Variants in RARRES1 observed in about 807,000 individuals in gnomAD.
The protein encoded by RARRES1 is retinoic acid receptor responder 1.
In RARRES1, 34 loss-of-function variants were observed where a neutral mutation model predicts 30.6. The ratio of observed to expected loss-of-function variants is 1.11; its 90% CI spans 0.84 to 1.48. The LOEUF (loss-of-function observed/expected upper bound fraction) is 1.48. Among genes scored for constraint, RARRES1 ranks in the 40% most tolerant of loss-of-function variants. The pLI is 0.00. For synonymous variants in RARRES1, 153 were observed against 155.5 expected (o/e 0.98, Z 0.12); for missense variants, 373 against 386.5 (o/e 0.97, Z 0.29).
At chr3:158,714,039 C>T (rs1727238553) in intron 1 of RARRES1, among the ~76,000 whole-genome samples, 180 bp from the exon 2 acceptor site, 1 of 152,064 alleles carries the variant, frequency 6.6e-6, no homozygotes, top group African/African-American at 2.4e-5. Context: ...TGCCATTCTG[C>T]TTGCTAGTTT....
chr3:158,724,652 A>C (rs1233492333), intron 1 of RARRES1, among the ~76,000 whole-genome samples: 1 of 152,142 alleles, frequency 6.6e-6, no homozygotes, highest in African/African-American at 2.4e-5. Flanking sequence ...TAAGTGAGTA[A>C]GTTTGTGTTG....
rs545302655 is a variant in RARRES1 at position 158,723,644 on chromosome 3, C to A, written c.276+8496G>T. Among the ~76,000 whole-genome samples, 12 of 152,334 alleles carry A rather than the reference C, an allele frequency of 7.9e-5. No homozygotes were observed. The highest frequency in any genetic ancestry group is 7.8e-4 in the Admixed American group (12 of 15,304). On this transcript the variant is annotated intron_variant, in intron 1 of 5. Coordinates refer to ENST00000237696, the MANE Select transcript of RARRES1 (RefSeq NM_206963.2). The surrounding 1 kb of genome is among the most constrained non-coding windows in gnomAD (Gnocchi z 4.4). ...GGAAAGCCAGAATACTGTGTGTCCT[C>A]TCTCTCAGCCAACCCTGGGTCCCAC...
At chr3:158,704,764 A>G (rs771973934) in intron 4 of RARRES1, 27 bp downstream of exon 4, 2 of 1,606,644 alleles carry the variant, frequency 1.2e-6, no homozygotes, top group African/African-American at 2.7e-5. Flanking sequence ...CTCTTGTGGC[A>G]CAAGTTAATT....
chr3:158,703,224 G>A (rs1013547326), intron 4 of RARRES1, among the ~76,000 whole-genome samples: 1 of 151,976 alleles, frequency 6.6e-6, no homozygotes, highest in Non-Finnish European at 1.5e-5. Context: ...CTAGCACTGG[G>A]GCCACTGTTT....
chr3:158,727,957 A>G lies in RARRES1; in HGVS notation c.276+4183T>C, dbSNP rs1727743618. Among the ~76,000 whole-genome samples the G allele has an allele frequency of 2.0e-5, 3 of 152,242 alleles. No individual in the cohort carries two copies. In the South Asian group the frequency reaches 6.2e-4, roughly 31 times the overall value. On this transcript the variant is annotated intron_variant, in intron 1 of 5. Coordinates refer to ENST00000237696, the MANE Select transcript of RARRES1 (RefSeq NM_206963.2). The stretch of plus-strand genomic sequence containing the variant: ...CTGCATTTCACCACCAGAGGGCAAC[A>G]GTATTTTTAAAATGAAAGATAACTT...
intron 1 of RARRES1, among the ~76,000 whole-genome samples, chr3:158,717,426 C>T (rs1009378770): frequency 5.9e-5 from 9 of 152,124 alleles, no homozygotes; most frequent in African/African-American, 9.7e-5. Context: ...ATCAGGGAAG[C>T]GACATTTGAG....
At chr3:158,728,375 G>A (rs1388435294) in intron 1 of RARRES1, among the ~76,000 whole-genome samples, 1 of 152,076 alleles carries the variant, frequency 6.6e-6, no homozygotes, top group Non-Finnish European at 1.5e-5. Flanking sequence ...TTCCTTACCT[G>A]GCTACCTGCT....
Position 158,710,786 on chromosome 3 carries a change from T to C in RARRES1, c.487A>G (p.Lys163Glu). ...KRQQEDYLLY[K>E]QMKQLKNPLE... ...GGGTTTTTCAGTTGCTTCATTTGCT[T>C]GTAAAGCAGGTAATCCTCTTGTTGT... is the stretch of plus-strand genomic sequence containing the variant. Residue 163 changes from lysine to glutamate, a missense_variant, in exon 3 of 6, where the codon AAG (lysine) becomes GAG (glutamate). Physicochemically the swap from Lys to Glu is moderately conservative, Grantham distance 56 (BLOSUM62 1). Coordinates refer to ENST00000237696, the MANE Select transcript of RARRES1 (RefSeq NM_206963.2). 2 of 1,613,778 alleles carry C rather than the reference T, an allele frequency of 1.2e-6. No individual in the cohort carries two copies. The highest frequency in any genetic ancestry group is 1.3e-5 in the African/African-American group (1 of 75,012).
rs1347882982 is a variant in RARRES1 at position 158,728,519 on chromosome 3, T to C, written c.276+3621A>G. Among the ~76,000 whole-genome samples the C allele has an allele frequency of 6.5e-5, 7 of 107,988 alleles. No individual in the cohort carries two copies. In the East Asian group the frequency reaches 1.4e-3, roughly 21 times the overall value. 70.8% of individuals were successfully genotyped at this position (107,988 alleles called of 152,430 possible). ...CAATCGTGGTTTCTTTTTCTTTCTTTTTTTTTTTTTTTTTTGGTTTTTGAG... is the reference window on the plus strand; with the variant it reads ...CAATCGTGGTTTCTTTTTCTTTCTTCTTTTTTTTTTTTTTTGGTTTTTGAG... On this transcript the variant is annotated intron_variant, in intron 1 of 5. Coordinates refer to ENST00000237696, the MANE Select transcript of RARRES1 (RefSeq NM_206963.2).
chr3:158,720,236 G>GTA (rs1364439070), intron 1 of RARRES1, among the ~76,000 whole-genome samples: 25 of 126,164 alleles, frequency 2.0e-4, no homozygotes, highest in Non-Finnish European at 3.6e-4. Context: ...GGCTGCTGGT[G>GTA]TGTGTGTGTG....
At chr3:158,731,419 C>T (rs1191451129) in intron 1 of RARRES1, among the ~76,000 whole-genome samples, 1 of 152,176 alleles carries the variant, frequency 6.6e-6, no homozygotes, top group African/African-American at 2.4e-5. Context: ...GGATGAAGAA[C>T]GCAAAGTAGC....
intron 3 of RARRES1, among the ~76,000 whole-genome samples, chr3:158,705,984 C>T (rs964181295): frequency 3.9e-5 from 6 of 152,068 alleles, no homozygotes. Flanking sequence ...GTTCATGAAC[C>T]ATCATTTTAT....
chr3:158,702,204 A>AT (rs1488605350), intron 4 of RARRES1, among the ~76,000 whole-genome samples: 3 of 151,792 alleles, frequency 2.0e-5, no homozygotes, highest in Non-Finnish European at 2.9e-5. Context: ...TGCCTGGCTA[A>AT]TTTTTTTGTA....
At chr3:158,702,954 G>A (rs953501124) in intron 4 of RARRES1, among the ~76,000 whole-genome samples, 5 of 152,178 alleles carry the variant, frequency 3.3e-5, no homozygotes, top group Non-Finnish European at 7.3e-5. Flanking sequence ...ATGTATTATT[G>A]ACATTAAAAA....
chr3:158,710,374 A>G (rs1299578808), intron 3 of RARRES1, among the ~76,000 whole-genome samples: 1 of 151,812 alleles, frequency 6.6e-6, no homozygotes, highest in East Asian at 1.9e-4. Context: ...CGCCTGGCTA[A>G]TTTTTTCTAT....
Position 158,697,407 on chromosome 3 carries a change from C to A in RARRES1, c.*271G>T. Reference sequence around the variant, plus strand: ...TCTGGTGCAACATACACTGATTATCCAGGTTTTACATTTTAGGGCTGAAAC... The same window carrying A: ...TCTGGTGCAACATACACTGATTATCAAGGTTTTACATTTTAGGGCTGAAAC... On this transcript the variant is annotated 3_prime_UTR_variant, in exon 6 of 6. Transcript: ENST00000237696. 9.8e-6 allele frequency: 3 copies of A among 304,852 alleles called. No homozygotes were observed. Among genetic ancestry groups the A allele is most frequent in the Non-Finnish European group, 6.0e-6 (1 of 167,196 alleles). 18.9% of individuals were successfully genotyped at this position (304,852 alleles called of 1,614,324 possible).
At chr3:158,727,303 T>G (rs1229079138) in intron 1 of RARRES1, among the ~76,000 whole-genome samples, 1 of 152,222 alleles carries the variant, frequency 6.6e-6, no homozygotes, top group East Asian at 1.9e-4. Context: ...AATTAAGATA[T>G]GGGCATAGCT....
chr3:158,713,771 A>G (rs1431144240), intron 2 of RARRES1, 26 bp downstream of exon 2: 1 of 1,598,318 alleles, frequency 6.3e-7, no homozygotes, highest in Non-Finnish European at 8.6e-7. Context: ...TGCTAATAGG[A>G]TACTTTGCCA....
intron 2 of RARRES1, among the ~76,000 whole-genome samples, chr3:158,712,689 G>T (rs1168502073): frequency 1.3e-5 from 2 of 152,124 alleles, no homozygotes; most frequent in African/African-American, 2.4e-5. Flanking sequence ...ACCAGGTACT[G>T]CCCCCTTTCA....
Sources: allele counts gnomAD v4.1 joint callset (sites outside exome capture counted in the v4.1 genomes callset), GRCh38; gene constraint gnomAD v4.1.1; non-coding constraint Gnocchi (gnomAD v3.1); transcripts MANE v1.5; gene names NCBI Gene and HGNC (gene_info 2026-07-23, HGNC 2026-07-21).